Variants in BRWD1 observed in about 807,000 individuals in gnomAD.
BRWD1 encodes bromodomain and WD repeat domain containing 1.
BRWD1 carries 82 observed loss-of-function variants against 251.2 expected under a neutral mutation model. The observed-to-expected ratio is 0.33, with a 90% CI of 0.27 to 0.39. The LOEUF (loss-of-function observed/expected upper bound fraction) is 0.39, where lower values mean the gene tolerates loss of function less well. Ranked by LOEUF, BRWD1 falls within the 10% of genes least tolerant of loss-of-function variation. The pLI, the probability that BRWD1 is intolerant of heterozygous loss-of-function variation, is 1.00. For synonymous variants in BRWD1, 918 were observed against 902.8 expected (o/e 1.02, Z -0.30); for missense variants, 2,233 against 2,711.6 (o/e 0.82, Z 3.92).
At chr21:39,197,979 T>C (rs1021232857) in intron 40 of BRWD1, among the ~76,000 whole-genome samples, 2 of 151,872 alleles carry the variant, frequency 1.3e-5, no homozygotes, top group Non-Finnish European at 2.9e-5. Flanking sequence ...CTCAATAACA[T>C]CCCATGATCT....
At chr21:39,303,519 CAAAAAAAAAAAA>C (rs34013314) in intron 4 of BRWD1, among the ~76,000 whole-genome samples, 1 of 91,730 alleles carries the variant, frequency 1.1e-5, no homozygotes, top group Non-Finnish European at 2.0e-5. Context: ...ACTCCATCTC[CAAAAAAAAAAAA>C]AAAAAAAATT....
intron 19 of BRWD1, among the ~76,000 whole-genome samples, chr21:39,252,228 A>T (rs1385753618): frequency 6.7e-6 from 1 of 149,780 alleles, no homozygotes; most frequent in Non-Finnish European, 1.5e-5. Flanking sequence ...CAGCCTGGGC[A>T]ACAAAAGCAG....
chr21:39,277,080 T>C (rs1012534395), intron 11 of BRWD1, among the ~76,000 whole-genome samples, 171 bp downstream of exon 11: 4 of 152,200 alleles, frequency 2.6e-5, no homozygotes, highest in Admixed American at 2.6e-4. Flanking sequence ...GAAATGCAAC[T>C]ATGATTTAAT....
chr21:39,218,375 G>C, intron 30 of BRWD1, 103 bp from the exon 31 acceptor site: 1 of 1,448,736 alleles, frequency 6.9e-7, no homozygotes, highest in Non-Finnish European at 9.2e-7. Context: ...TAACATTACA[G>C]GCTAAATTAA....
intron 19 of BRWD1, 133 bp from the exon 20 acceptor site, chr21:39,251,022 T>C (rs1191331119): frequency 1.7e-6 from 1 of 582,752 alleles, no homozygotes; most frequent in Non-Finnish European, 2.9e-6. Context: ...TCTCTGAAGT[T>C]AAAACATGTT....
chr21:39,280,613 T>A lies in BRWD1; in HGVS notation c.832-365A>T, dbSNP rs180794231. 1.1e-4 allele frequency among the ~76,000 whole-genome samples: 16 copies of A among 152,216 alleles called. No individual in the cohort carries two copies. The East Asian group carries it at 3.1e-3, about 29-fold the overall frequency. On this transcript the variant is annotated intron_variant, in intron 8 of 40. Coordinates refer to ENST00000342449, the MANE Select transcript of BRWD1 (RefSeq NM_033656.4). ...AAATACAATCCAAAACTAGACCCTA[T>A]TCAACCTGGGAAAGCTGACTGAAAA...
intron 25 of BRWD1, among the ~76,000 whole-genome samples, chr21:39,231,122 G>T (rs2033598798): frequency 6.6e-6 from 1 of 152,060 alleles, no homozygotes; most frequent in Non-Finnish European, 1.5e-5. Flanking sequence ...AGCTATATTT[G>T]TTAAAATAAC....
intron 37 of BRWD1, among the ~76,000 whole-genome samples, chr21:39,203,435 G>T (rs2065310): frequency 0.98 from 136,584 of 139,302 alleles, 66,935 homozygotes; most frequent in East Asian, 1. Flanking sequence ...CAAGACCCTG[G>T]TTCTTTTTTT....
At chr21:39,301,677 T>C (rs1417703468) in intron 4 of BRWD1, among the ~76,000 whole-genome samples, 1 of 152,074 alleles carries the variant, frequency 6.6e-6, no homozygotes, top group African/African-American at 2.4e-5. Flanking sequence ...AACAACAAAT[T>C]AGTGTAGTTT....
intron 15 of BRWD1, among the ~76,000 whole-genome samples, chr21:39,266,472 T>C (rs1568931639): frequency 1.3e-5 from 2 of 152,082 alleles, no homozygotes; most frequent in South Asian, 2.1e-4. Flanking sequence ...CAGATGCCAG[T>C]GGGGAGGGAG....
In BRWD1 at chr21:39,249,915, G is replaced by GGT. The variant is rs368656743; in HGVS notation, c.2349+879_2349+880dup. Among the ~76,000 whole-genome samples the GGT allele has an allele frequency of 8.2e-3, 560 of 68,600 alleles. 1 individual carries two copies. Among genetic ancestry groups the GGT allele is most frequent in the Non-Finnish European group, 0.013 (404 of 30,246 alleles). The allele number at this position is 68,600 out of a possible 152,430, so 45.0% of individuals were successfully genotyped here. On this transcript the variant is annotated intron_variant, in intron 20 of 40. Transcript: ENST00000342449. ...GAACCAAGATCAAAAAAAGAAGGGG[G>GGT]GTGTGTGTGTGTGTGTGTGTGTGTG... is the stretch of plus-strand genomic sequence containing the variant.
chr21:39,221,353 A>G (rs1479402880), intron 29 of BRWD1, among the ~76,000 whole-genome samples: 1 of 152,174 alleles, frequency 6.6e-6, no homozygotes, highest in East Asian at 1.9e-4. Context: ...GATTTACTCT[A>G]TAAGCATAGC....
Position 39,188,632 on chromosome 21 carries a change from GCTAGA to G in BRWD1, c.*7622_*7626del. On this transcript the variant is annotated 3_prime_UTR_variant, in exon 41 of 41. Coordinates refer to ENST00000342449, the MANE Select transcript of BRWD1 (RefSeq NM_033656.4). ...TTCTGTGGACTGACATGTTCATACA[GCTAGA>G]CTAATGAGGCAGGCCTCTGCCCTCA... 1.0e-6 allele frequency: 1 copy of G among 985,382 alleles called. No homozygotes were observed. The highest frequency in any genetic ancestry group is 1.2e-6 in the Non-Finnish European group (1 of 829,920). 61.0% of individuals were successfully genotyped at this position (985,382 alleles called of 1,614,324 possible). A position where few individuals can be genotyped will look rare whatever the true frequency, so the allele number is the denominator to read the frequency against.
rs537031660 is a variant in BRWD1 at position 39,245,944 on chromosome 21, C to T, written c.2481+1757G>A. Among the ~76,000 whole-genome samples the T allele has an allele frequency of 4.6e-5, 7 of 151,970 alleles. No homozygotes were observed. The South Asian group carries it at 1.5e-3, about 32-fold the overall frequency. On this transcript the variant is annotated intron_variant, in intron 21 of 40. Coordinates refer to ENST00000342449, the MANE Select transcript of BRWD1 (RefSeq NM_033656.4). The stretch of plus-strand genomic sequence containing the variant: ...CAAAAAAGTTGGTTTCTCCCTCAAA[C>T]AAATCAAAATGAAGACAAATAGCTT...
intron 11 of BRWD1, among the ~76,000 whole-genome samples, chr21:39,276,425 A>C (rs1458202131): frequency 6.6e-6 from 1 of 152,218 alleles, no homozygotes; most frequent in Non-Finnish European, 1.5e-5. Flanking sequence ...ATTTCAAAGA[A>C]AGGCACATCT....
intron 4 of BRWD1, among the ~76,000 whole-genome samples, chr21:39,300,078 C>CT (rs2146768088): frequency 6.6e-6 from 1 of 152,218 alleles, no homozygotes; most frequent in African/African-American, 2.4e-5. Flanking sequence ...TAAGAAAAAA[C>CT]CACTCAAACC....
intron 27 of BRWD1, 81 bp downstream of exon 27, chr21:39,228,419 A>G: frequency 1.1e-6 from 1 of 884,258 alleles, no homozygotes; most frequent in East Asian, 2.5e-5. Context: ...ACTATAATTA[A>G]GAGTCCCACA....
At chr21:39,228,353 G>A (rs1054810336) in intron 27 of BRWD1, 147 bp downstream of exon 27, 2 of 592,436 alleles carry the variant, frequency 3.4e-6, no homozygotes, top group Admixed American at 3.0e-5. Context: ...CAAGCCGTAA[G>A]CAAAATATAT....
chr21:39,305,206 G>A (rs956659618), intron 4 of BRWD1, among the ~76,000 whole-genome samples: 5 of 151,988 alleles, frequency 3.3e-5, no homozygotes, highest in South Asian at 2.1e-4. Flanking sequence ...TGATCTGCCC[G>A]CCTTGGCCCC....
Sources: allele counts gnomAD v4.1 joint callset (sites outside exome capture counted in the v4.1 genomes callset), GRCh38; gene constraint gnomAD v4.1.1; transcripts MANE v1.5; gene names NCBI Gene and HGNC (gene_info 2026-07-23, HGNC 2026-07-21).